LHFPL6: variants seen among roughly 807,000 people sequenced by gnomAD.
LHFPL6 encodes LHFPL tetraspan subfamily member 6.
A neutral mutation model predicts 20.6 loss-of-function variants in LHFPL6; 9 were observed. The ratio of observed to expected loss-of-function variants is 0.44; its 90% confidence interval spans 0.26 to 0.76. The LOEUF (loss-of-function observed/expected upper bound fraction) is 0.76, where lower values mean the gene tolerates loss of function less well. LHFPL6 is among the 30% of genes least tolerant of loss of function. The pLI, the probability that LHFPL6 is intolerant of heterozygous loss-of-function variation, is 0.20. For synonymous variants in LHFPL6, 105 were observed against 98.7 expected, an observed-to-expected ratio of 1.06 and a Z score of -0.38; for missense variants, 218 against 253.5, an observed-to-expected ratio of 0.86 and a Z score of 0.95.
intron 2 of LHFPL6, among the ~76,000 whole-genome samples, chr13:39,441,459 T>C (rs9532379): frequency 0.12 from 18,234 of 152,048 alleles, 1,475 homozygotes; most frequent in East Asian, 0.45. Context: ...CTTCCTGATA[T>C]ATTGCTTCAA....
intron 2 of LHFPL6, among the ~76,000 whole-genome samples, chr13:39,579,582 AT>A (rs1347727520): frequency 6.6e-6 from 1 of 152,170 alleles, no homozygotes; most frequent in Non-Finnish European, 1.5e-5. Context: ...AAATTTTTTT[AT>A]CTTTTTCTAA....
chr13:39,448,784 A>G (rs920149840), intron 2 of LHFPL6, among the ~76,000 whole-genome samples: 1 of 152,240 alleles, frequency 6.6e-6, no homozygotes, highest in Non-Finnish European at 1.5e-5. Context: ...AATGCCTGTA[A>G]CAGGAACCAT....
intron 2 of LHFPL6, among the ~76,000 whole-genome samples, chr13:39,540,274 C>T (rs1227730417): frequency 2.6e-5 from 4 of 151,996 alleles, no homozygotes; most frequent in African/African-American, 4.8e-5. Flanking sequence ...CGAAAAAATA[C>T]CATATTAGAG....
chr13:39,546,616 C>T (rs1247753785), intron 2 of LHFPL6, among the ~76,000 whole-genome samples: 1 of 152,084 alleles, frequency 6.6e-6, no homozygotes, highest in Non-Finnish European at 1.5e-5. Flanking sequence ...CTGTACCTTC[C>T]CATTCAGATA....
At chr13:39,409,732 G>A (rs1301497115) in intron 2 of LHFPL6, among the ~76,000 whole-genome samples, 1 of 151,994 alleles carries the variant, frequency 6.6e-6, no homozygotes, top group Non-Finnish European at 1.5e-5. Flanking sequence ...AATGTCTTCA[G>A]GTAACAGTAA....
At chr13:39,494,119 T>A (rs987192444) in intron 2 of LHFPL6, among the ~76,000 whole-genome samples, 1 of 152,192 alleles carries the variant, frequency 6.6e-6, no homozygotes, top group Admixed American at 6.5e-5. Flanking sequence ...CATAATACCA[T>A]TCAAATGTCC....
At chr13:39,521,429 G>A (rs1175469490) in intron 2 of LHFPL6, among the ~76,000 whole-genome samples, 2 of 152,156 alleles carry the variant, frequency 1.3e-5, no homozygotes, top group Non-Finnish European at 2.9e-5. Context: ...CATTTCATGT[G>A]CTGAAAGGGA....
chr13:39,576,559 A>C (rs1308149553), intron 2 of LHFPL6, among the ~76,000 whole-genome samples: 1 of 152,218 alleles, frequency 6.6e-6, no homozygotes, highest in Non-Finnish European at 1.5e-5. Flanking sequence ...TCTGCATTAC[A>C]AAAGAGTGGC....
chr13:39,429,176 T>C (rs1374973466), intron 2 of LHFPL6, among the ~76,000 whole-genome samples: 1 of 149,790 alleles, frequency 6.7e-6, no homozygotes, highest in African/African-American at 2.4e-5. Flanking sequence ...AAGTCGTGCA[T>C]ATCCTTACTG....
chr13:39,557,034 G>A lies in LHFPL6; in HGVS notation c.385+43798C>T, dbSNP rs188895200. The stretch of plus-strand genomic sequence containing the variant: ...AAACTTGCAGCCTGGCCCTGTGGTC[G>A]AGAAGGATTCCAAGCACACTAAGGA... On this transcript the variant is annotated intron_variant, in intron 2 of 3. Transcript: ENST00000379589. 5.3e-5 allele frequency among the ~76,000 whole-genome samples: 8 copies of A among 152,270 alleles called. No homozygotes were observed. The East Asian group carries it at 7.7e-4, about 15-fold the overall frequency.
intron 2 of LHFPL6, among the ~76,000 whole-genome samples, chr13:39,547,217 C>T (rs1871009315): frequency 6.6e-6 from 1 of 152,054 alleles, no homozygotes; most frequent in Non-Finnish European, 1.5e-5. Context: ...GGAAAAAAAT[C>T]CCAAGCCCTT....
At chr13:39,447,861 TAAGGAGAAACTATAAGGAAA>T (rs1872334302) in intron 2 of LHFPL6, among the ~76,000 whole-genome samples, 1 of 152,206 alleles carries the variant, frequency 6.6e-6, no homozygotes, top group African/African-American at 2.4e-5. Flanking sequence ...ACAGGAAGGA[TAAGGAGAAACTATAAGGAAA>T]AAGGAGGGAA....
At chr13:39,483,508 A>G (rs1868610236) in intron 2 of LHFPL6, among the ~76,000 whole-genome samples, 1 of 149,130 alleles carries the variant, frequency 6.7e-6, no homozygotes, top group Non-Finnish European at 1.5e-5. Flanking sequence ...TTTTTTACAA[A>G]ACCATTTCCT....
chr13:39,494,082 A>G (rs1294732514), intron 2 of LHFPL6, among the ~76,000 whole-genome samples: 1 of 152,170 alleles, frequency 6.6e-6, no homozygotes, highest in Admixed American at 6.5e-5. Flanking sequence ...CTCAGGCCTC[A>G]TGTAGGGGAA....
At chr13:39,446,545 G>A (rs964437369) in intron 2 of LHFPL6, among the ~76,000 whole-genome samples, 1 of 151,772 alleles carries the variant, frequency 6.6e-6, no homozygotes, top group Non-Finnish European at 1.5e-5. Context: ...ACTGGGCCAG[G>A]GTAAACAAAG....
chr13:39,537,568 C>T (rs781491037), intron 2 of LHFPL6, among the ~76,000 whole-genome samples: 1 of 152,092 alleles, frequency 6.6e-6, no homozygotes, highest in Non-Finnish European at 1.5e-5. Flanking sequence ...TAACTTACAG[C>T]GTGGGGTTTT....
chr13:39,467,394 C>T (rs1435759886), intron 2 of LHFPL6, among the ~76,000 whole-genome samples: 2 of 152,124 alleles, frequency 1.3e-5, no homozygotes, highest in African/African-American at 4.8e-5. Context: ...TCTGCAAGTC[C>T]ACAGGGTTAA....
chr13:39,405,969 T>C (rs1479743181), intron 2 of LHFPL6, among the ~76,000 whole-genome samples: 1 of 152,192 alleles, frequency 6.6e-6, no homozygotes, highest in Non-Finnish European at 1.5e-5. Flanking sequence ...ATTTTTGCAA[T>C]GGGTAACATT....
At chr13:39,387,039 C>A (rs1285082796) in intron 2 of LHFPL6, among the ~76,000 whole-genome samples, 1 of 152,200 alleles carries the variant, frequency 6.6e-6, no homozygotes, top group Non-Finnish European at 1.5e-5. Flanking sequence ...GATGCACTCT[C>A]TACCCTTTAC....
Sources: gnomAD v4.1 joint callset for allele counts (sites outside exome capture counted in the v4.1 genomes callset) on GRCh38, gnomAD v4.1.1 for gene constraint, MANE v1.5 for transcripts, NCBI Gene and HGNC (gene_info 2026-07-23, HGNC 2026-07-21) for gene names.